Variants in ANKRD13A observed in about 807,000 individuals in gnomAD.
ANKRD13A encodes the protein ankyrin repeat domain-containing protein 13A.
ANKRD13A carries 48 observed loss-of-function variants against 81.3 expected under a neutral mutation model. That is an observed-to-expected ratio of 0.59 (90% CI 0.47 to 0.75). The LOEUF (loss-of-function observed/expected upper bound fraction) is 0.75, where lower values mean the gene tolerates loss of function less well. ANKRD13A is among the 30% of genes least tolerant of loss of function. The probability of loss-of-function intolerance (pLI) is 0.00; values close to 1 mark genes in which losing one functional copy is unlikely to be tolerated. For synonymous variants in ANKRD13A, 230 were observed against 270.1 expected (o/e 0.85, Z 1.45); for missense variants, 612 against 734.0 (o/e 0.83, Z 1.92).
intron 10 of ANKRD13A, chr12:110,029,129 G>C (rs778941002): frequency 4.5e-5 from 9 of 197,878 alleles, no homozygotes; most frequent in African/African-American, 9.3e-5. Flanking sequence ...TTTCCAAATA[G>C]AATCTAGATT....
intron 1 of ANKRD13A, among the ~76,000 whole-genome samples, chr12:110,004,991 A>T (rs2137079603): frequency 6.9e-6 from 1 of 144,652 alleles, no homozygotes; most frequent in African/African-American, 2.9e-5. Flanking sequence ...ATTATGTATA[A>T]ACATATACAG....
At position 109,999,631 on chromosome 12, in the gene ANKRD13A, C is replaced by A. The variant is rs556014672; in HGVS notation, c.-58C>A. On this transcript the variant is annotated 5_prime_UTR_variant, in exon 1 of 15. Transcript: ENST00000261739. The surrounding 1 kb of genome is among the most constrained non-coding windows in gnomAD (Gnocchi z 4.3). ...AGGGCAGGCAGGCGGGCGCGGGAGA[C>A]CCCGCCGGGGCCGAGACTTGGGGCG... The A allele has an allele frequency of 2.1e-4, 295 of 1,412,854 alleles. 2 individuals are homozygous for A. In the African/African-American group the frequency reaches 3.8e-3, roughly 18 times the overall value. The allele number at this position is 1,412,854 out of a possible 1,614,324, so 87.5% of individuals were successfully genotyped here.
Position 110,012,140 on chromosome 12 carries a change from A to G in ANKRD13A, c.229+3A>G. On this transcript the variant is annotated splice_donor_region_variant and intron_variant, in intron 2 of 14. Transcript: ENST00000261739. ...AGAAAATCGCCAGGGATGGACAGGT[A>G]AGTATACTTTTACAATAATTTAAAG... 6.2e-7 allele frequency: 1 copy of G among 1,601,494 alleles called. No individual in the cohort carries two copies. The highest frequency in any genetic ancestry group is 8.5e-7 in the Non-Finnish European group (1 of 1,169,646).
At chr12:110,002,755 T>C (rs1890044684) in intron 1 of ANKRD13A, among the ~76,000 whole-genome samples, 1 of 152,218 alleles carries the variant, frequency 6.6e-6, no homozygotes, top group African/African-American at 2.4e-5. Flanking sequence ...GGAGCATGTA[T>C]ACTGATAGCT....
intron 1 of ANKRD13A, among the ~76,000 whole-genome samples, chr12:110,006,849 G>A (rs2137085596): frequency 6.6e-6 from 1 of 152,268 alleles, no homozygotes; most frequent in East Asian, 1.9e-4. Flanking sequence ...TCCCGCCTTG[G>A]CCTCCCAAAG....
At chr12:110,017,549 G>A (rs1453040793) in intron 4 of ANKRD13A, among the ~76,000 whole-genome samples, 1 of 152,104 alleles carries the variant, frequency 6.6e-6, no homozygotes, top group Non-Finnish European at 1.5e-5. Context: ...TGACATAAAA[G>A]TACGTAAAAG....
intron 2 of ANKRD13A, among the ~76,000 whole-genome samples, chr12:110,012,665 CA>C (rs1306737245): frequency 6.6e-6 from 1 of 152,160 alleles, no homozygotes; most frequent in African/African-American, 2.4e-5. Context: ...AGGCAAAAAT[CA>C]AAAATAAATT....
intron 12 of ANKRD13A, among the ~76,000 whole-genome samples, chr12:110,031,815 G>A (rs1891707912): frequency 6.6e-6 from 1 of 151,854 alleles, no homozygotes; most frequent in Admixed American, 6.6e-5. Context: ...CTAGTATATA[G>A]AAATATAATT....
rs748378392 is a variant in ANKRD13A at position 110,027,771 on chromosome 12, G to C, written c.945+5G>C. On this transcript the variant is annotated splice_donor_5th_base_variant and intron_variant, in intron 9 of 14. Coordinates refer to ENST00000261739, the MANE Select transcript of ANKRD13A (RefSeq NM_033121.2). Reference sequence around the variant, plus strand: ...CACCAATTTGGTGCACAAGGGGTAAGTTGAAGCAATGAGCTTTCATTGCAG... The same window carrying C: ...CACCAATTTGGTGCACAAGGGGTAACTTGAAGCAATGAGCTTTCATTGCAG... The C allele has an allele frequency of 1.5e-5, 24 of 1,613,980 alleles. No homozygotes were observed. Among genetic ancestry groups the C allele is most frequent in the Non-Finnish European group, 2.5e-6 (3 of 1,179,986 alleles).
intron 10 of ANKRD13A, 98 bp downstream of exon 10, chr12:110,028,740 A>C: frequency 1.3e-6 from 2 of 1,492,198 alleles, no homozygotes; most frequent in South Asian, 1.3e-5. Flanking sequence ...CCTCCCCACC[A>C]CCCTTATTTT....
At chr12:110,011,788 T>C (rs1342189021) in intron 1 of ANKRD13A, among the ~76,000 whole-genome samples, 1 of 152,222 alleles carries the variant, frequency 6.6e-6, no homozygotes, top group Non-Finnish European at 1.5e-5. Context: ...GCACTTAACT[T>C]TATAGAAAAA....
At chr12:110,025,856 G>C in intron 8 of ANKRD13A, 33 bp downstream of exon 8, 1 of 1,588,142 alleles carries the variant, frequency 6.3e-7, no homozygotes, top group Non-Finnish European at 8.6e-7. Context: ...CTCCTGTTTT[G>C]TTGTTATTTT....
upstream of ANKRD13A, chr12:109,999,239 C>T (rs187299153): frequency 5.0e-3 from 767 of 153,204 alleles, 4 homozygotes; most frequent in Middle Eastern, 0.02. The surrounding 1 kb of genome is among the most constrained non-coding windows in gnomAD (Gnocchi z 4.3). Context: ...ACGGAACTTT[C>T]CGCGTGGAGA....
chr12:110,013,538 TG>T (rs780543192), intron 3 of ANKRD13A, among the ~76,000 whole-genome samples: 2 of 152,180 alleles, frequency 1.3e-5, no homozygotes, highest in African/African-American at 4.8e-5. Flanking sequence ...TTTGGGAGGC[TG>T]AGGCAGGAGG....
chr12:110,017,617 C>G (rs1258757379), intron 4 of ANKRD13A, among the ~76,000 whole-genome samples: 1 of 152,120 alleles, frequency 6.6e-6, no homozygotes, highest in African/African-American at 2.4e-5. Context: ...CATAGTCACT[C>G]TTATTTCAGG....
rs867360338 is a variant in ANKRD13A at position 110,007,622 on chromosome 12, C to T, written c.97-4383C>T. Among the ~76,000 whole-genome samples, 14 of 152,260 alleles carry T rather than the reference C, an allele frequency of 9.2e-5. No homozygotes were observed. In the Middle Eastern group the frequency reaches 0.014, roughly 148 times the overall value. ...CTCGAACTCCCGACCTCAGGTGATCCGCCCACCTCAGCCTCCCCAAGTGCT... is the reference window on the plus strand; with the variant it reads ...CTCGAACTCCCGACCTCAGGTGATCTGCCCACCTCAGCCTCCCCAAGTGCT... On this transcript the variant is annotated intron_variant, in intron 1 of 14. Coordinates refer to ENST00000261739, the MANE Select transcript of ANKRD13A (RefSeq NM_033121.2).
intron 1 of ANKRD13A, among the ~76,000 whole-genome samples, chr12:110,008,924 C>A (rs909583292): frequency 6.6e-6 from 1 of 152,024 alleles, no homozygotes; most frequent in South Asian, 2.1e-4. Flanking sequence ...TTTTGGTGGG[C>A]AGTTTTAAAA....
chr12:110,012,196 T>C (rs760474352), intron 2 of ANKRD13A, 59 bp downstream of exon 2: 8 of 1,521,272 alleles, frequency 5.3e-6, no homozygotes, highest in Non-Finnish European at 7.1e-6. Flanking sequence ...AAACCCTGTC[T>C]CTACAAAAAA....
intron 6 of ANKRD13A, among the ~76,000 whole-genome samples, chr12:110,019,546 A>G (rs370997872): frequency 2.5e-4 from 38 of 152,232 alleles, no homozygotes; most frequent in African/African-American, 7.7e-4. Flanking sequence ...AGACTTAACC[A>G]ACATGAAGAG....
Sources: gnomAD v4.1 joint callset for allele counts (sites outside exome capture counted in the v4.1 genomes callset) on GRCh38, gnomAD v4.1.1 for gene constraint, Gnocchi (gnomAD v3.1) non-coding constraint, MANE v1.5 for transcripts, NCBI Gene and HGNC (gene_info 2026-07-23, HGNC 2026-07-21) for gene names.